ERI1: variants seen among roughly 807,000 people sequenced by gnomAD.
ERI1 encodes exoribonuclease 1.
In ERI1, 39 loss-of-function variants were observed where a neutral mutation model predicts 39.7. The ratio of observed to expected loss-of-function variants is 0.98; its 90% CI spans 0.76 to 1.28. ERI1 has a LOEUF of 1.28. Among genes scored for constraint, ERI1 ranks in the 50% most tolerant of loss-of-function variants. The pLI is 0.00. For synonymous variants in ERI1, 204 were observed against 149.6 expected, an observed-to-expected ratio of 1.36 and a Z score of -2.65; for missense variants, 581 against 416.9, an observed-to-expected ratio of 1.39 and a Z score of -3.43.
chr8:9,094,307 G>T (rs1287848772), intron 3 of ERI1, among the ~76,000 whole-genome samples: 1 of 152,158 alleles, frequency 6.6e-6, no homozygotes, highest in Non-Finnish European at 1.5e-5. Context: ...AAGGGGCAGA[G>T]GATCATGCCC....
chr8:9,082,525 C>A (rs6601286), intron 3 of ERI1, among the ~76,000 whole-genome samples: 21,258 of 152,146 alleles, frequency 0.14, 1,654 homozygotes, highest in Middle Eastern at 0.2. Context: ...CCTTTGAAGT[C>A]CATATCTGTG....
chr8:9,054,882 C>T (rs889322210), intron 3 of ERI1, among the ~76,000 whole-genome samples: 9 of 152,280 alleles, frequency 5.9e-5, no homozygotes, highest in East Asian at 1.9e-4. Context: ...GGGCAGAGAT[C>T]GTGCCATTGC....
chr8:9,003,172 G>T lies in ERI1; in HGVS notation c.108+1G>T. On this transcript the variant is annotated splice_donor_variant, in intron 1 of 6. Transcript: ENST00000250263. LOFTEE classifies it high-confidence loss of function. The stretch of plus-strand genomic sequence containing the variant: ...GGAGCCGCCGCGTCCCAGTCCCGAG[G>T]TGAGGAGTCGACCCGCGCCTGGCTG... 8.1e-7 allele frequency: 1 copy of T among 1,241,484 alleles called. No individual in the cohort carries two copies. Among genetic ancestry groups the T allele is most frequent in the Non-Finnish European group, 1.0e-6 (1 of 990,836 alleles). 76.9% of individuals were successfully genotyped at this position (1,241,484 alleles called of 1,614,324 possible).
intron 3 of ERI1, among the ~76,000 whole-genome samples, chr8:9,050,847 C>G (rs967798205): frequency 2.0e-4 from 30 of 152,136 alleles, no homozygotes; most frequent in Non-Finnish European, 4.4e-4. Context: ...TATTGCTCTT[C>G]TGCTGTGGGG....
chr8:9,027,179 T>TGTG (rs1797233483), intron 6 of ERI1, among the ~76,000 whole-genome samples: 8 of 99,308 alleles, frequency 8.1e-5, no homozygotes, highest in African/African-American at 2.3e-4. Context: ...GTGTGTGTGT[T>TGTG]TATGGCCATT....
chr8:9,062,546 C>G (rs959605994), intron 3 of ERI1: 4 of 135,966 alleles, frequency 2.9e-5, no homozygotes, highest in African/African-American at 5.0e-5. Flanking sequence ...GTTATGGAGG[C>G]AAGGGAAACA....
intron 3 of ERI1, among the ~76,000 whole-genome samples, chr8:9,013,899 G>A (rs966589742): frequency 2.0e-5 from 3 of 152,104 alleles, no homozygotes; most frequent in Non-Finnish European, 4.4e-5. Flanking sequence ...TAACTGAACT[G>A]CTGTGACTTC....
At chr8:9,085,508 C>T (rs1563096394) in intron 3 of ERI1, among the ~76,000 whole-genome samples, 1 of 151,856 alleles carries the variant, frequency 6.6e-6, no homozygotes, top group Non-Finnish European at 1.5e-5. Flanking sequence ...GCGCCCGGCC[C>T]TACCATCTTT....
At chr8:9,016,254 GTCGTGTATCATGTA>G (rs1280620853) in intron 3 of ERI1, 54 bp from the exon 4 acceptor site, 5 of 905,830 alleles carry the variant, frequency 5.5e-6, no homozygotes, top group Non-Finnish European at 8.4e-6. Flanking sequence ...TGATGAATTC[GTCGTGTATCATGTA>G]TCGTGTATCT....
chr8:9,050,798 TCTTC>T (rs1325098311), intron 3 of ERI1, among the ~76,000 whole-genome samples: 1 of 152,210 alleles, frequency 6.6e-6, no homozygotes, highest in Non-Finnish European at 1.5e-5. Flanking sequence ...ACTCCGGGCC[TCTTC>T]CTTCTTTATG....
chr8:9,041,585 C>T (rs781197943), intron 3 of ERI1, among the ~76,000 whole-genome samples: 2 of 152,164 alleles, frequency 1.3e-5, no homozygotes, highest in Non-Finnish European at 2.9e-5. Context: ...CCTGAATGAT[C>T]AATGGGTGAA....
chr8:9,012,086 A>G (rs1435044741), intron 3 of ERI1, among the ~76,000 whole-genome samples: 1 of 152,222 alleles, frequency 6.6e-6, no homozygotes, highest in Non-Finnish European at 1.5e-5. Context: ...AGAGATTCTA[A>G]TTTAGTTCTC....
chr8:9,068,791 A>G (rs954870773), intron 3 of ERI1, among the ~76,000 whole-genome samples: 1 of 152,096 alleles, frequency 6.6e-6, no homozygotes, highest in Non-Finnish European at 1.5e-5. Context: ...CCAGAGAGTG[A>G]TTGGCACTGT....
chr8:9,030,090 T>A lies in ERI1; in HGVS notation c.*56T>A, dbSNP rs1207504224. The A allele has an allele frequency of 4.4e-6, 7 of 1,596,626 alleles. No individual in the cohort carries two copies. Among genetic ancestry groups the A allele is most frequent in the Middle Eastern group, 1.7e-4 (1 of 5,968 alleles). On this transcript the variant is annotated 3_prime_UTR_variant, in exon 7 of 7. Transcript: ENST00000250263. ...GAAGTTGCTATGAAGAGGTAGCAGATGAATCTCATTGAATTAGTCCTGTAG... is the reference window on the plus strand; with the variant it reads ...GAAGTTGCTATGAAGAGGTAGCAGAAGAATCTCATTGAATTAGTCCTGTAG...
At chr8:9,007,799 C>G (rs930169465) in intron 1 of ERI1, among the ~76,000 whole-genome samples, 171 bp from the exon 2 acceptor site, 3 of 152,148 alleles carry the variant, frequency 2.0e-5, no homozygotes, top group Non-Finnish European at 4.4e-5. Context: ...GGAGACGCAT[C>G]TTCCTTCTTA....
intron 6 of ERI1, among the ~76,000 whole-genome samples, chr8:9,023,107 G>A (rs1818091345): frequency 6.6e-6 from 1 of 152,088 alleles, no homozygotes; most frequent in African/African-American, 2.4e-5. Context: ...TGGTTAATAT[G>A]TCTCTTAAGT....
chr8:9,013,215 A>G (rs190209602), intron 3 of ERI1, among the ~76,000 whole-genome samples: 108 of 150,598 alleles, frequency 7.2e-4, no homozygotes, highest in Admixed American at 1.8e-3. Context: ...GGGTTTCATC[A>G]TGTTGCGCAG....
intron 3 of ERI1, among the ~76,000 whole-genome samples, chr8:9,074,628 C>G (rs965260800): frequency 1.3e-5 from 2 of 151,930 alleles, no homozygotes; most frequent in Non-Finnish European, 2.9e-5. Flanking sequence ...GAGCTGAGGT[C>G]TCACTTTGTT....
chr8:9,087,279 C>G (rs1365645396), intron 3 of ERI1, among the ~76,000 whole-genome samples: 2 of 151,444 alleles, frequency 1.3e-5, no homozygotes, highest in South Asian at 2.1e-4. Context: ...GAGTTTCACT[C>G]CTGTTGCCCA....
Sources: allele counts gnomAD v4.1 joint callset (sites outside exome capture counted in the v4.1 genomes callset), GRCh38; gene constraint gnomAD v4.1.1; transcripts MANE v1.5; gene names NCBI Gene and HGNC (gene_info 2026-07-23, HGNC 2026-07-21).